HSP90B1: variants seen among roughly 807,000 people sequenced by gnomAD.
The protein encoded by HSP90B1 is endoplasmin.
A neutral mutation model predicts 100.4 loss-of-function variants in HSP90B1; 27 were observed. The observed-to-expected ratio is 0.27, with a 90% CI of 0.20 to 0.37. The LOEUF (loss-of-function observed/expected upper bound fraction) is 0.37. Among genes scored for constraint, HSP90B1 ranks in the 10% least tolerant of loss-of-function variants. HSP90B1 has a pLI of 1.00. For missense variants in HSP90B1, 678 were observed against 960.5 expected (o/e 0.71, Z 3.89); for synonymous variants, 304 against 330.8 (o/e 0.92, Z 0.88).
Position 103,946,924 on chromosome 12 carries a change from A to T in HSP90B1, c.2245A>T (p.Ile749Phe). ...IERMLRLSLN[I>F]DPDAKVEEEP... ...AAGAATGCTTCGCCTCAGTTTGAAC[A>T]TTGACCCTGATGCAAAGGTTTGTAT... Residue 749 changes from isoleucine (I) to phenylalanine (F), a missense_variant, in exon 16 of 18, where the codon ATT becomes TTT. This residue lies in a region of HSP90B1 where 65 missense variants were observed against 65.1 expected (regional missense o/e 1.00). Coordinates refer to ENST00000299767, the MANE Select transcript of HSP90B1 (RefSeq NM_003299.3). 1 of 1,613,266 alleles carries T rather than the reference A, an allele frequency of 6.2e-7. No homozygotes were observed. The highest frequency in any genetic ancestry group is 8.5e-7 in the Non-Finnish European group (1 of 1,179,810).
chr12:103,935,902 A>G (rs1419512772), intron 5 of HSP90B1, among the ~76,000 whole-genome samples: 1 of 152,270 alleles, frequency 6.6e-6, no homozygotes. Flanking sequence ...AAAGCTTAAC[A>G]CTTAATTGGC....
intron 11 of HSP90B1, among the ~76,000 whole-genome samples, chr12:103,942,261 G>T (rs1475896231): frequency 6.6e-6 from 1 of 152,080 alleles, no homozygotes; most frequent in Non-Finnish European, 1.5e-5. Flanking sequence ...TAGCATATTT[G>T]TTCACTTCAT....
chr12:103,932,437 GAAT>G lies in HSP90B1; in HGVS notation c.294+21_294+23del. The stretch of plus-strand genomic sequence containing the variant: ...TAAAGAGGTAAGCAACATGTGGTTA[GAAT>G]ATTTTATCTCTGTATGGTGGCATAC... On this transcript the variant is annotated intron_variant, in intron 3 of 17. Coordinates refer to ENST00000299767, the MANE Select transcript of HSP90B1 (RefSeq NM_003299.3). 6.3e-7 allele frequency: 1 copy of G among 1,594,512 alleles called. No homozygotes were observed. The highest frequency in any genetic ancestry group is 8.6e-7 in the Non-Finnish European group (1 of 1,168,440).
At position 103,933,081 on chromosome 12, in the gene HSP90B1, C is replaced by T. The variant is rs543131009; in HGVS notation, c.411+139C>T. 34 of 602,124 alleles carry T rather than the reference C, an allele frequency of 5.6e-5. No homozygotes were observed. The East Asian group carries it at 8.9e-4, about 16-fold the overall frequency. 37.3% of individuals were successfully genotyped at this position (602,124 alleles called of 1,614,324 possible). A position where few individuals can be genotyped will look rare whatever the true frequency, so the allele number is the denominator to read the frequency against. ...TCTCAGTGGCTTGAAAGTCATCAAA[C>T]TATGGCCAAATCTAACTTGACTTGT... On this transcript the variant is annotated intron_variant, in intron 4 of 17. Coordinates refer to ENST00000299767, the MANE Select transcript of HSP90B1 (RefSeq NM_003299.3).
rs57211065 is a variant in HSP90B1 at position 103,930,892 on chromosome 12, T to C, written c.49+328T>C. Among the ~76,000 whole-genome samples, 729 of 140,844 alleles carry C rather than the reference T, an allele frequency of 5.2e-3. 10 individuals are homozygous for C. Among genetic ancestry groups the C allele is most frequent in the African/African-American group, 0.017 (684 of 39,140 alleles). 92.4% of individuals were successfully genotyped at this position (140,844 alleles called of 152,430 possible). Reference sequence around the variant, plus strand: ...CCCCCCTCCCCGCCCGGAGGACTTTTTCGGCCACCGCAACCTTCGGCCATC... The same window carrying C: ...CCCCCCTCCCCGCCCGGAGGACTTTCTCGGCCACCGCAACCTTCGGCCATC... On this transcript the variant is annotated intron_variant, in intron 1 of 17. Coordinates refer to ENST00000299767, the MANE Select transcript of HSP90B1 (RefSeq NM_003299.3). The surrounding 1 kb of genome is among the most constrained non-coding windows in gnomAD (Gnocchi z 4.4).
At chr12:103,933,493 A>G (rs1869824176) in intron 4 of HSP90B1, among the ~76,000 whole-genome samples, 1 of 152,264 alleles carries the variant, frequency 6.6e-6, no homozygotes, top group Non-Finnish European at 1.5e-5. Context: ...AAAACTAGTC[A>G]CATGGCCTTA....
chr12:103,946,590 G>A (rs376077563), intron 14 of HSP90B1, 28 bp from the exon 15 acceptor site: 9 of 1,517,396 alleles, frequency 5.9e-6, no homozygotes, highest in Non-Finnish European at 8.2e-6. Flanking sequence ...GATATGTTTT[G>A]TTAATGTTCA....
chr12:103,932,223 G>A, intron 2 of HSP90B1, 54 bp from the exon 3 acceptor site: 2 of 1,469,294 alleles, frequency 1.4e-6, no homozygotes, highest in Non-Finnish European at 1.8e-6. Context: ...AATTCCTCTA[G>A]TTTTGAAGGG....
intron 5 of HSP90B1, among the ~76,000 whole-genome samples, chr12:103,935,442 A>G (rs1233748547): frequency 6.6e-6 from 1 of 151,708 alleles, no homozygotes; most frequent in South Asian, 2.1e-4. Flanking sequence ...GAATGTGCCC[A>G]CAGCTTCAAT....
intron 2 of HSP90B1, 155 bp downstream of exon 2, chr12:103,931,778 T>C: frequency 1.5e-6 from 1 of 680,820 alleles, no homozygotes; most frequent in Non-Finnish European, 2.7e-6. Context: ...ACCTCCTAAC[T>C]TGTCCCTAGG....
rs1381329965 is a variant in HSP90B1, at chr12:103,939,555, C to T, written c.1022C>T (p.Pro341Leu). 3 of 1,581,136 alleles carry T rather than the reference C, an allele frequency of 1.9e-6. No individual in the cohort carries two copies. The highest frequency in any genetic ancestry group is 2.6e-6 in the Non-Finnish European group (3 of 1,165,694). The change falls in exon 8 of 18, where the codon CCA (proline) becomes CTA (leucine). Residue 341 changes from proline to leucine, a missense_variant. Physicochemically the swap from Pro to Leu is moderately conservative, Grantham distance 98. Around this residue, in one of 8 missense-constraint regions of HSP90B1, gnomAD observed 238 missense variants for 346.7 expected, o/e 0.69. Coordinates refer to ENST00000299767, the MANE Select transcript of HSP90B1 (RefSeq NM_003299.3). Reference protein sequence around the residue: ...WDWELMNDIKPIWQRPSKEVE... With the variant: ...WDWELMNDIKLIWQRPSKEVE... ...TGGGAACTTATGAATGATATCAAAC[C>T]AATATGGCAGAGACCATCAAAAGAA...
At chr12:103,941,336 A>G (rs1870071268) in intron 8 of HSP90B1, 74 bp from the exon 9 acceptor site, 1 of 1,445,688 alleles carries the variant, frequency 6.9e-7, no homozygotes, top group Admixed American at 1.9e-5. Context: ...TATGTACCAC[A>G]TAGTACATTG....
In HSP90B1 at chr12:103,943,480, A is replaced by G; in HGVS notation, c.1890+161A>G. Reference sequence around the variant, plus strand: ...ATTGGGAGAAAGCTTAAAACTTTCGACAATACTGCTTTGTTAATAACTTGT... The same window carrying G: ...ATTGGGAGAAAGCTTAAAACTTTCGGCAATACTGCTTTGTTAATAACTTGT... On this transcript the variant is annotated intron_variant, in intron 13 of 17. Coordinates refer to ENST00000299767, the MANE Select transcript of HSP90B1 (RefSeq NM_003299.3). This position sits in a 1 kb window ranked among gnomAD's most constrained non-coding sequence, Gnocchi z 5.3. 1.3e-6 allele frequency: 1 copy of G among 742,062 alleles called. No individual in the cohort carries two copies. Among genetic ancestry groups the G allele is most frequent in the Middle Eastern group, 3.3e-4 (1 of 3,002 alleles). 46.0% of individuals were successfully genotyped at this position (742,062 alleles called of 1,614,324 possible).
chr12:103,936,774 C>G (rs1869932533), intron 5 of HSP90B1, among the ~76,000 whole-genome samples: 1 of 152,118 alleles, frequency 6.6e-6, no homozygotes, highest in African/African-American at 2.4e-5. Flanking sequence ...CCTAAGATAT[C>G]TAACCAGCAG....
At chr12:103,944,569 T>A (rs530576903) in intron 14 of HSP90B1, among the ~76,000 whole-genome samples, 3 of 151,558 alleles carry the variant, frequency 2.0e-5, no homozygotes, top group Admixed American at 6.6e-5. Flanking sequence ...TTTTTTTTTT[T>A]CCCCCGAGAC....
intron 14 of HSP90B1, 106 bp from the exon 15 acceptor site, chr12:103,946,512 T>G (rs1298776218): frequency 5.0e-6 from 4 of 794,800 alleles, no homozygotes; most frequent in African/African-American, 1.7e-5. Context: ...TTTTGATTTT[T>G]TTTTTTTACC....
At position 103,930,480 on chromosome 12, in the gene HSP90B1, G is replaced by T. The variant is rs1313840805; in HGVS notation, c.-36G>T. On this transcript the variant is annotated 5_prime_UTR_variant, in exon 1 of 18. Coordinates refer to ENST00000299767, the MANE Select transcript of HSP90B1 (RefSeq NM_003299.3). This position sits in a 1 kb window ranked among gnomAD's most constrained non-coding sequence, Gnocchi z 4.4. ...GGTGGGGGGTGGAGGCGGCTCCTGC[G>T]ATCGAAGGGGACTTGAGACTCACCG... The T allele has an allele frequency of 2.5e-6, 4 of 1,578,362 alleles. No homozygotes were observed. Among genetic ancestry groups the T allele is most frequent in the Non-Finnish European group, 3.4e-6 (4 of 1,161,544 alleles).
At position 103,930,421 on chromosome 12, in the gene HSP90B1, C is replaced by T. The variant is rs758456787; in HGVS notation, c.-95C>T. ...CCTGCTTGCGGTGTAGTGGGCGGACCGCGCGGCTGGAGGTGTGAGGATCCG... is the reference window on the plus strand; with the variant it reads ...CCTGCTTGCGGTGTAGTGGGCGGACTGCGCGGCTGGAGGTGTGAGGATCCG... On this transcript the variant is annotated 5_prime_UTR_variant, in exon 1 of 18. Coordinates refer to ENST00000299767, the MANE Select transcript of HSP90B1 (RefSeq NM_003299.3). The surrounding 1 kb of genome is among the most constrained non-coding windows in gnomAD (Gnocchi z 4.4). 2.6e-6 allele frequency: 3 copies of T among 1,168,292 alleles called. No individual in the cohort carries two copies. Among genetic ancestry groups the T allele is most frequent in the East Asian group, 5.7e-5 (2 of 34,922 alleles). The allele number at this position is 1,168,292 out of a possible 1,614,324, so 72.4% of individuals were successfully genotyped here.
In HSP90B1 at chr12:103,942,492, A is replaced by T. The variant is rs773512718; in HGVS notation, c.1375-35A>T. 1.9e-6 allele frequency: 3 copies of T among 1,598,196 alleles called. No individual in the cohort carries two copies. The South Asian group carries it at 3.3e-5, about 18-fold the overall frequency. ...TTACATTCTCAAAAGTTGGAGATTA[A>T]CTTCTCTAATCAGTTATTCTTTCAT... On this transcript the variant is annotated intron_variant, in intron 11 of 17. Transcript: ENST00000299767.
Sources: allele counts gnomAD v4.1 joint callset (sites outside exome capture counted in the v4.1 genomes callset), GRCh38; gene constraint gnomAD v4.1.1; regional missense constraint gnomAD v4.1.1; non-coding constraint Gnocchi (gnomAD v3.1); transcripts MANE v1.5; gene names NCBI Gene and HGNC (gene_info 2026-07-23, HGNC 2026-07-21).